CLIC5: variants seen among roughly 807,000 people sequenced by gnomAD.
CLIC5 encodes chloride intracellular channel protein 5.
CLIC5 carries 20 observed loss-of-function variants against 24.7 expected under a neutral mutation model. The observed-to-expected ratio is 0.81, with a 90% confidence interval of 0.57 to 1.18. The LOEUF is 1.18. Among genes scored for constraint, CLIC5 ranks in the 50% most tolerant of loss-of-function variants. The pLI is 0.00. For synonymous variants in CLIC5, 159 were observed against 135.6 expected, an observed-to-expected ratio of 1.17 and a Z score of -1.20; for missense variants, 341 against 326.1, an observed-to-expected ratio of 1.05 and a Z score of -0.35.
At chr6:45,887,777 C>T (rs4714885) in intron 6 of CLIC5, among the ~76,000 whole-genome samples, 102,296 of 152,046 alleles carry the variant, frequency 0.67, 34,852 homozygotes, top group African/African-American at 0.77. Flanking sequence ...TGTAACATAA[C>T]GCGTAATACA....
intron 4 of CLIC5, among the ~76,000 whole-genome samples, chr6:45,931,212 T>C (rs886709022): frequency 1.3e-5 from 2 of 152,212 alleles, no homozygotes; most frequent in Admixed American, 1.3e-4. Context: ...GTAGAGGCTA[T>C]GTAGCTTGCA....
chr6:45,947,676 C>T (rs1890368), intron 3 of CLIC5, among the ~76,000 whole-genome samples: 13 of 152,094 alleles, frequency 8.5e-5, no homozygotes, highest in African/African-American at 2.9e-4. Flanking sequence ...TTATTGAAAA[C>T]AGCATTTTTT....
In CLIC5 at chr6:45,955,234, T is replaced by A. The variant is rs1764605333; in HGVS notation, c.74A>T (p.Asp25Val). The change falls in exon 2 of 6, where the codon GAT (aspartate) becomes GTT (valine). Residue 25 changes from aspartate (D) to valine (V), a missense_variant. Physicochemically the swap from Asp to Val is radical, Grantham distance 152 (BLOSUM62 -3). Transcript: ENST00000339561. ...AGGACAGTTGCCGATGCTTTCTCCATCGATTCCAGCCTGGAAAGAAGAGAA... is the reference window on the plus strand; with the variant it reads ...AGGACAGTTGCCGATGCTTTCTCCAACGATTCCAGCCTGGAAAGAAGAGAA... The part of the protein sequence containing the change: ...EIELFVKAGI[D>V]GESIGNCPFS... 1 of 1,613,410 alleles carries A rather than the reference T, an allele frequency of 6.2e-7. No individual in the cohort carries two copies. The highest frequency in any genetic ancestry group is 1.3e-5 in the African/African-American group (1 of 74,886).
At chr6:46,126,818 T>C in the CLIC5 span, among the ~76,000 whole-genome samples, 1 of 152,216 alleles carries the variant, frequency 6.6e-6, no homozygotes, top group Non-Finnish European at 1.5e-5. Flanking sequence ...TGGCTTTTGC[T>C]CTGAAACCTT....
Position 45,903,238 on chromosome 6 carries a change from G to A in CLIC5, c.606C>T (p.Tyr202=), listed in dbSNP as rs758208609. 1.9e-6 allele frequency: 3 copies of A among 1,595,130 alleles called. No homozygotes were observed. The highest frequency in any genetic ancestry group is 2.7e-5 in the African/African-American group (2 of 73,764). Residue 202 remains tyrosine, a synonymous_variant, in exon 6 of 6, where the codon TAC becomes TAT. Transcript: ENST00000339561. ...LHVVKIVAKK[Y]RNYDIPAEMT... ...TCTCAGCCGGGATATCATAGTTGCGGTATTTCTTGGCCACAATCTAAAACA... is the reference window on the plus strand; with the variant it reads ...TCTCAGCCGGGATATCATAGTTGCGATATTTCTTGGCCACAATCTAAAACA...
intron 1 of CLIC5, among the ~76,000 whole-genome samples, chr6:45,968,882 G>A (rs1486803975): frequency 6.6e-6 from 1 of 152,038 alleles, no homozygotes; most frequent in African/African-American, 2.4e-5. Context: ...GTAATAAAAA[G>A]CAGAAGATTA....
the CLIC5 span, among the ~76,000 whole-genome samples, chr6:46,090,132 A>G: frequency 6.6e-6 from 1 of 152,256 alleles, no homozygotes; most frequent in South Asian, 2.1e-4. Context: ...CTGTAGAGTT[A>G]GAAAAATACC....
chr6:45,999,519 C>G (rs922556885), intron 1 of CLIC5, among the ~76,000 whole-genome samples: 1 of 151,994 alleles, frequency 6.6e-6, no homozygotes, highest in African/African-American at 2.4e-5. Context: ...TTGACCCTTG[C>G]AAAACACAAG....
intron 1 of CLIC5, among the ~76,000 whole-genome samples, chr6:46,063,914 G>A (rs1026827432): frequency 2.6e-5 from 4 of 152,070 alleles, no homozygotes; most frequent in Admixed American, 6.5e-5. Flanking sequence ...CCCAGAATGA[G>A]GCCTGACACT....
chr6:45,926,150 G>C (rs1006305694), intron 4 of CLIC5, among the ~76,000 whole-genome samples: 1 of 151,386 alleles, frequency 6.6e-6, no homozygotes, highest in Non-Finnish European at 1.5e-5. Flanking sequence ...AAGGGAAGAG[G>C]TTCTAGACAC....
rs369752264 is a variant in CLIC5, at chr6:46,056,265, T to C, written c.540+23438A>G. Reference sequence around the variant, plus strand: ...GTCTTCTTTCCCTGTTGCTTAAATGTTGGTGTTCCTCAGGGCTCCATACTT... The same window carrying C: ...GTCTTCTTTCCCTGTTGCTTAAATGCTGGTGTTCCTCAGGGCTCCATACTT... On this transcript the variant is annotated intron_variant, in intron 1 of 5. Transcript: ENST00000185206. Among the ~76,000 whole-genome samples the C allele has an allele frequency of 5.3e-5, 8 of 152,252 alleles. No individual in the cohort carries two copies. The East Asian group carries it at 1.2e-3, about 22-fold the overall frequency.
At chr6:45,894,102 C>A (rs1285864985), downstream of CLIC5, among the ~76,000 whole-genome samples, 1 of 152,150 alleles carries the variant, frequency 6.6e-6, no homozygotes, top group African/African-American at 2.4e-5. Context: ...GAATTGTATC[C>A]TTGGGAAAGA....
intron 1 of CLIC5, among the ~76,000 whole-genome samples, chr6:46,007,683 C>T (rs1008972692): frequency 5.3e-5 from 8 of 152,072 alleles, no homozygotes; most frequent in Non-Finnish European, 1.0e-4. Context: ...ACCCACATAG[C>T]GTATATCCCA....
At chr6:45,922,823 A>AAGAGAGAGAGAC (rs547902327) in intron 4 of CLIC5, among the ~76,000 whole-genome samples, 1 of 140,614 alleles carries the variant, frequency 7.1e-6, no homozygotes, top group Non-Finnish European at 1.5e-5. Context: ...GAGAGAGAGA[A>AAGAGAGAGAGAC]AGAGAGAGAG....
At chr6:46,015,875 C>G, upstream of CLIC5, 6 of 1,060,614 alleles carry the variant, frequency 5.7e-6, no homozygotes, top group Non-Finnish European at 6.8e-6. Flanking sequence ...CCGCCGCCGC[C>G]AACGCGCCCA....
intron 1 of CLIC5, among the ~76,000 whole-genome samples, chr6:45,970,199 C>T (rs1046257574): frequency 6.6e-6 from 1 of 152,210 alleles, no homozygotes; most frequent in Non-Finnish European, 1.5e-5. Context: ...GCCCACCCAA[C>T]TAATTTCTTC....
At chr6:45,976,471 A>G (rs1765387797) in intron 1 of CLIC5, among the ~76,000 whole-genome samples, 1 of 152,186 alleles carries the variant, frequency 6.6e-6, no homozygotes, top group Non-Finnish European at 1.5e-5. Flanking sequence ...TGGTCACTCT[A>G]TGTACATGCA....
upstream of CLIC5, among the ~76,000 whole-genome samples, chr6:46,081,477 C>T (rs1241530408): frequency 1.3e-5 from 2 of 152,144 alleles, no homozygotes; most frequent in Non-Finnish European, 2.9e-5. Flanking sequence ...GAATCTTCTA[C>T]TGGGAATTAG....
the CLIC5 span, chr6:46,122,934 A>G: frequency 6.6e-6 from 1 of 152,258 alleles, no homozygotes; most frequent in Admixed American, 6.5e-5. Flanking sequence ...TTAAGGCAAT[A>G]ATTAATAGCT....
Sources: allele counts gnomAD v4.1 joint callset (sites outside exome capture counted in the v4.1 genomes callset), GRCh38; gene constraint gnomAD v4.1.1; transcripts MANE v1.5; gene names NCBI Gene and HGNC (gene_info 2026-07-23, HGNC 2026-07-21).